Variants in RBFOX1 observed in about 807,000 individuals in gnomAD.
The protein encoded by RBFOX1 is RNA binding fox-1 homolog 1, also known as RNA binding protein fox-1 homolog 1.
RBFOX1 carries 8 observed loss-of-function variants against 57.7 expected under a neutral mutation model. The ratio of observed to expected loss-of-function variants is 0.14; its 90% CI spans 0.08 to 0.25. The LOEUF is 0.25. RBFOX1 is among the 10% of genes least tolerant of loss of function. The pLI is 1.00. For missense variants in RBFOX1, 611 were observed against 548.5 expected, an observed-to-expected ratio of 1.11 and a Z score of -1.14; for synonymous variants, 326 against 222.4, an observed-to-expected ratio of 1.47 and a Z score of -4.15.
chr16:6,047,168 G>C (rs1436094379), intron 1 of RBFOX1, among the ~76,000 whole-genome samples: 3 of 152,172 alleles, frequency 2.0e-5, no homozygotes, highest in Admixed American at 6.5e-5. Flanking sequence ...AATTAAACCA[G>C]TACCTGACAT....
chr16:5,471,337 A>G (rs1389021448), intron 2 of RBFOX1, among the ~76,000 whole-genome samples: 1 of 152,130 alleles, frequency 6.6e-6, no homozygotes, highest in Non-Finnish European at 1.5e-5. Context: ...TCTACAGTTG[A>G]GATGTTTTTT....
chr16:7,255,158 A>C (rs899073768), intron 4 of RBFOX1, among the ~76,000 whole-genome samples: 1 of 152,148 alleles, frequency 6.6e-6, no homozygotes, highest in African/African-American at 2.4e-5. Context: ...GAAAAATAGA[A>C]AGATAGTTTC....
intron 1 of RBFOX1, among the ~76,000 whole-genome samples, chr16:6,195,727 GAA>G (rs79692676): frequency 8.0e-6 from 1 of 124,540 alleles, no homozygotes; most frequent in Non-Finnish European, 1.8e-5. Flanking sequence ...CTTTAAAAAA[GAA>G]AAAAAAAAAA....
intron 10 of RBFOX1, among the ~76,000 whole-genome samples, chr16:7,608,827 G>A (rs534226045): frequency 6.6e-6 from 1 of 152,318 alleles, no homozygotes. Flanking sequence ...AAATGAATAT[G>A]TTAATCTCTT....
chr16:6,630,900 T>C (rs2154057953), intron 2 of RBFOX1, among the ~76,000 whole-genome samples: 1 of 152,314 alleles, frequency 6.6e-6, no homozygotes, highest in Admixed American at 6.5e-5. Context: ...TGATAAATGC[T>C]GCTTTATTTG....
intron 3 of RBFOX1, among the ~76,000 whole-genome samples, chr16:6,910,941 C>G (rs2071412492): frequency 6.6e-6 from 1 of 152,146 alleles, no homozygotes. Context: ...AGGCTCACAC[C>G]TGTAATCCCA....
At chr16:6,911,494 C>T (rs1410424464) in intron 3 of RBFOX1, among the ~76,000 whole-genome samples, 1 of 152,080 alleles carries the variant, frequency 6.6e-6, no homozygotes, top group Non-Finnish European at 1.5e-5. Flanking sequence ...CATGTGTTCT[C>T]CCCATAAGCA....
At chr16:6,859,174 T>TATAC (rs778753196) in intron 3 of RBFOX1, among the ~76,000 whole-genome samples, 30 of 65,050 alleles carry the variant, frequency 4.6e-4, no homozygotes, top group East Asian at 1.9e-3. Context: ...CGTATATATA[T>TATAC]GTATATATAT....
intron 1 of RBFOX1, among the ~76,000 whole-genome samples, chr16:6,233,733 C>G (rs2097483679): frequency 6.6e-6 from 1 of 152,074 alleles, no homozygotes; most frequent in Non-Finnish European, 1.5e-5. Context: ...CTCAGCCTCC[C>G]AAAGTGCTGG....
At chr16:7,466,804 C>A (rs2060603246) in intron 4 of RBFOX1, among the ~76,000 whole-genome samples, 1 of 152,170 alleles carries the variant, frequency 6.6e-6, no homozygotes, top group African/African-American at 2.4e-5. Context: ...TGATTATATA[C>A]ACAATGCTAG....
intron 14 of RBFOX1, among the ~76,000 whole-genome samples, chr16:7,681,729 T>C (rs528613710): frequency 1.9e-4 from 29 of 152,192 alleles, no homozygotes; most frequent in African/African-American, 4.3e-4. Context: ...ATTTTTTTTT[T>C]CCCATGGGAT....
chr16:6,872,515 T>G (rs1216682519), intron 3 of RBFOX1, among the ~76,000 whole-genome samples: 1 of 152,190 alleles, frequency 6.6e-6, no homozygotes, highest in Non-Finnish European at 1.5e-5. Context: ...TCCCTATGAT[T>G]TTCTTATTTG....
intron 2 of RBFOX1, among the ~76,000 whole-genome samples, chr16:6,360,904 C>T (rs1454295318): frequency 6.6e-6 from 1 of 151,976 alleles, no homozygotes; most frequent in East Asian, 1.9e-4. Context: ...ATTGTTTGAG[C>T]CGAAGACCGT....
chr16:6,888,397 A>G (rs1290861447), intron 3 of RBFOX1, among the ~76,000 whole-genome samples: 1 of 152,178 alleles, frequency 6.6e-6, no homozygotes, highest in Admixed American at 6.5e-5. Flanking sequence ...TGGAGGAGAA[A>G]GAGCTTACTG....
intron 5 of RBFOX1, among the ~76,000 whole-genome samples, chr16:7,558,304 T>C (rs185207103): frequency 6.6e-6 from 1 of 152,164 alleles, no homozygotes; most frequent in East Asian, 1.9e-4. Flanking sequence ...CAGTGAGCCA[T>C]GATTGTGCCA....
chr16:7,597,289 AT>A, intron 8 of RBFOX1, 81 bp from the exon 9 acceptor site: 3 of 998,826 alleles, frequency 3.0e-6, no homozygotes, highest in Middle Eastern at 2.2e-4. Context: ...TTAATAAGTA[AT>A]CACGGTCATA....
intron 1 of RBFOX1, among the ~76,000 whole-genome samples, chr16:6,172,101 A>G (rs2096964910): frequency 6.6e-6 from 1 of 152,080 alleles, no homozygotes; most frequent in Admixed American, 6.6e-5. Context: ...TATTACAGGC[A>G]TGAGCCACCG....
chr16:7,543,909 C>G (rs889313091), intron 5 of RBFOX1, among the ~76,000 whole-genome samples: 1 of 151,960 alleles, frequency 6.6e-6, no homozygotes, highest in East Asian at 1.9e-4. Context: ...TTAGTAGAGA[C>G]AGAGTTTCAC....
Position 6,919,268 on chromosome 16 carries a change from G to T in RBFOX1, c.-15-132789G>T, listed in dbSNP as rs540154176. On this transcript the variant is annotated intron_variant, in intron 3 of 15. Transcript: ENST00000550418. ...AAAGTGCTGGGCTGGGATTACAGGT[G>T]TGAGCCATGGCGCCTGGCCCAAGAG... is the stretch of plus-strand genomic sequence containing the variant. 1.3e-3 allele frequency among the ~76,000 whole-genome samples: 201 copies of T among 152,254 alleles called. 1 individual carries two copies. The highest frequency in any genetic ancestry group is 4.5e-3 in the African/African-American group (188 of 41,538).
Sources: allele counts gnomAD v4.1 joint callset (sites outside exome capture counted in the v4.1 genomes callset), GRCh38; gene constraint gnomAD v4.1.1; transcripts MANE v1.5; gene names NCBI Gene and HGNC (gene_info 2026-07-23, HGNC 2026-07-21).